Variants in SLC25A24 observed in about 807,000 individuals in gnomAD.
SLC25A24 encodes solute carrier family 25 member 24.
Under a neutral mutation model 60.7 loss-of-function variants are expected in SLC25A24, and 49 were observed. That is an observed-to-expected ratio of 0.81 (90% CI 0.64 to 1.02). SLC25A24 has a LOEUF of 1.02. Among genes scored for constraint, SLC25A24 ranks in the 50% least tolerant of loss-of-function variants. The pLI, the probability that SLC25A24 is intolerant of heterozygous loss-of-function variation, is 0.00. For synonymous variants in SLC25A24, 202 were observed against 200.6 expected, an observed-to-expected ratio of 1.01 and a Z score of -0.06; for missense variants, 564 against 586.3, an observed-to-expected ratio of 0.96 and a Z score of 0.39.
At chr1:108,172,770 C>T (rs1268100358) in intron 3 of SLC25A24, among the ~76,000 whole-genome samples, 1 of 152,132 alleles carries the variant, frequency 6.6e-6, no homozygotes, top group Non-Finnish European at 1.5e-5. Flanking sequence ...AACAAGCTGA[C>T]ATTTGGAGTG....
chr1:108,136,895 A>C, intron 9 of SLC25A24, 58 bp from the exon 10 acceptor site: 2 of 1,455,582 alleles, frequency 1.4e-6, no homozygotes, highest in Non-Finnish European at 1.9e-6. Context: ...TATTATGACA[A>C]CAAACAATTA....
At chr1:108,147,161 G>A (rs1021753452) in intron 7 of SLC25A24, among the ~76,000 whole-genome samples, 1 of 152,148 alleles carries the variant, frequency 6.6e-6, no homozygotes, top group Non-Finnish European at 1.5e-5. Flanking sequence ...ATGTGTCCAG[G>A]AATTTATCCA....
intron 1 of SLC25A24, among the ~76,000 whole-genome samples, chr1:108,187,563 C>T (rs1251346154): frequency 1.3e-5 from 2 of 152,012 alleles, no homozygotes; most frequent in African/African-American, 2.4e-5. Context: ...CCTACAAAAA[C>T]AACTTATTAA....
rs1265371289 is a variant in SLC25A24, at chr1:108,153,528, A to G, written c.822+1455T>C. The stretch of plus-strand genomic sequence containing the variant: ...ACAGGGGAGGAACTGGCTTTGATTG[A>G]GATGCTTAGTATATGCTTGTCACAG... On this transcript the variant is annotated intron_variant, in intron 6 of 9. Coordinates refer to ENST00000565488, the MANE Select transcript of SLC25A24 (RefSeq NM_013386.5). Among the ~76,000 whole-genome samples the G allele has an allele frequency of 3.3e-5, 5 of 152,156 alleles. No homozygotes were observed. In the East Asian group the frequency reaches 9.6e-4, roughly 29 times the overall value.
At chr1:108,177,617 C>T (rs982544634) in intron 3 of SLC25A24, among the ~76,000 whole-genome samples, 2 of 151,788 alleles carry the variant, frequency 1.3e-5, no homozygotes, top group Non-Finnish European at 2.9e-5. Context: ...AGTAACTTTA[C>T]TTGTATCATA....
intron 3 of SLC25A24, among the ~76,000 whole-genome samples, chr1:108,177,054 TA>T (rs1481189614): frequency 6.6e-6 from 1 of 152,168 alleles, no homozygotes; most frequent in East Asian, 1.9e-4. Context: ...ATAGCTACAA[TA>T]ATTTAAGGGA....
At chr1:108,156,310 T>C (rs1679898738) in intron 5 of SLC25A24, among the ~76,000 whole-genome samples, 1 of 152,248 alleles carries the variant, frequency 6.6e-6, no homozygotes, top group Non-Finnish European at 1.5e-5. Flanking sequence ...AGGTTGACTT[T>C]GGAAACTCCT....
intron 3 of SLC25A24, among the ~76,000 whole-genome samples, chr1:108,162,850 T>C (rs1680127664): frequency 1.3e-5 from 2 of 150,724 alleles, no homozygotes; most frequent in African/African-American, 4.9e-5. Context: ...TTTGGTGTTT[T>C]AGACATGAAG....
At chr1:108,161,081 T>A in intron 4 of SLC25A24, 101 bp downstream of exon 4, 1 of 635,510 alleles carries the variant, frequency 1.6e-6, no homozygotes, top group Non-Finnish European at 2.8e-6. Context: ...CTACTGGGAC[T>A]CAGGTATCCT....
At chr1:108,175,603 T>A (rs1471864411) in intron 3 of SLC25A24, among the ~76,000 whole-genome samples, 1 of 151,890 alleles carries the variant, frequency 6.6e-6, no homozygotes, top group Non-Finnish European at 1.5e-5. Context: ...GGTGAGAGGA[T>A]CAATTGAGCC....
intron 1 of SLC25A24, chr1:108,192,431 G>C: frequency 1.6e-6 from 2 of 1,243,652 alleles, no homozygotes; most frequent in Non-Finnish European, 2.2e-6. Context: ...TGCCCTCTCT[G>C]CCCAATGCCT....
chr1:108,152,911 G>T (rs11584525), intron 6 of SLC25A24, among the ~76,000 whole-genome samples: 1 of 152,092 alleles, frequency 6.6e-6, no homozygotes, highest in African/African-American at 2.4e-5. Context: ...AAGTACTAAA[G>T]GGCATTTCCC....
chr1:108,148,720 C>T (rs887327690), intron 6 of SLC25A24, among the ~76,000 whole-genome samples: 3 of 152,166 alleles, frequency 2.0e-5, no homozygotes, highest in East Asian at 1.9e-4. Context: ...TAGGCTTTCC[C>T]GCCTCTGAAA....
At chr1:108,145,273 T>A (rs747248585) in intron 7 of SLC25A24, among the ~76,000 whole-genome samples, 7 of 152,230 alleles carry the variant, frequency 4.6e-5, no homozygotes, top group Non-Finnish European at 8.8e-5. Flanking sequence ...TTTTTTTTCT[T>A]GTAAATTTGC....
At chr1:108,141,204 T>G (rs1190592258) in intron 8 of SLC25A24, among the ~76,000 whole-genome samples, 3 of 152,140 alleles carry the variant, frequency 2.0e-5, no homozygotes, top group African/African-American at 7.2e-5. Context: ...AGATGGACAT[T>G]ACATAATGAT....
chr1:108,166,818 G>A lies in SLC25A24; in HGVS notation c.399-5525C>T, dbSNP rs888611516. Reference sequence around the variant, plus strand: ...TCAGAGTCATTCTCCATCCAGCTTTGTTCCGTTGCTGGTGAGGAACAGCGT... The same window carrying A: ...TCAGAGTCATTCTCCATCCAGCTTTATTCCGTTGCTGGTGAGGAACAGCGT... On this transcript the variant is annotated intron_variant, in intron 3 of 9. Transcript: ENST00000565488. Among the ~76,000 whole-genome samples the A allele has an allele frequency of 5.3e-5, 8 of 152,200 alleles. No individual in the cohort carries two copies. In the East Asian group the frequency reaches 1.3e-3, roughly 26 times the overall value.
chr1:108,177,805 A>G (rs1478397749), intron 3 of SLC25A24, among the ~76,000 whole-genome samples: 1 of 152,206 alleles, frequency 6.6e-6, no homozygotes, highest in Non-Finnish European at 1.5e-5. Flanking sequence ...ATATCCCTTA[A>G]TAAGTTATGT....
chr1:108,155,950 AACACACACACACACACACAC>A (rs58815373), intron 5 of SLC25A24, among the ~76,000 whole-genome samples: 1 of 149,146 alleles, frequency 6.7e-6, no homozygotes, highest in Non-Finnish European at 1.5e-5. Context: ...ACTACCACTA[AACACACACACACACACACAC>A]ACACACACAC....
At chr1:108,162,651 T>A (rs1295800809) in intron 3 of SLC25A24, among the ~76,000 whole-genome samples, 2 of 152,204 alleles carry the variant, frequency 1.3e-5, no homozygotes, top group East Asian at 3.8e-4. Flanking sequence ...GTTTGTTTTT[T>A]TCTTGTAAAT....
Sources: allele counts gnomAD v4.1 joint callset (sites outside exome capture counted in the v4.1 genomes callset), GRCh38; gene constraint gnomAD v4.1.1; transcripts MANE v1.5; gene names NCBI Gene and HGNC (gene_info 2026-07-23, HGNC 2026-07-21).